The following TRIM44 variants were observed in gnomAD, a reference collection of about 807,000 sequenced individuals.
The protein encoded by TRIM44 is tripartite motif-containing protein 44.
TRIM44 carries 13 observed loss-of-function variants against 37.4 expected under a neutral mutation model. That is an observed-to-expected ratio of 0.35 (90% CI 0.23 to 0.55). The LOEUF is 0.55. TRIM44 is among the 20% of genes least tolerant of loss of function. TRIM44 has a pLI of 0.89. For synonymous variants in TRIM44, 175 were observed against 157.2 expected (o/e 1.11, Z -0.85); for missense variants, 426 against 437.2 (o/e 0.97, Z 0.23).
intron 4 of TRIM44, among the ~76,000 whole-genome samples, chr11:35,803,014 A>G (rs1461501386): frequency 2.0e-5 from 3 of 152,190 alleles, no homozygotes; most frequent in Non-Finnish European, 4.4e-5. Flanking sequence ...TTGAGGAAGA[A>G]GGGTAACATT....
chr11:35,675,195 G>A (rs1851446844), intron 1 of TRIM44, among the ~76,000 whole-genome samples: 2 of 152,230 alleles, frequency 1.3e-5, no homozygotes, highest in South Asian at 4.1e-4. Flanking sequence ...GTGATAGGAA[G>A]TGTAATAATC....
At chr11:35,673,477 T>C (rs964043915) in intron 1 of TRIM44, among the ~76,000 whole-genome samples, 3 of 152,202 alleles carry the variant, frequency 2.0e-5, no homozygotes, top group Non-Finnish European at 2.9e-5. Flanking sequence ...TTAGCATAGA[T>C]GAAAATACTG....
At chr11:35,795,449 GGTT>G (rs1191720605) in intron 4 of TRIM44, among the ~76,000 whole-genome samples, 1 of 152,020 alleles carries the variant, frequency 6.6e-6, no homozygotes, top group Admixed American at 6.6e-5. Context: ...ACATGGGAGA[GGTT>G]GTGCAGGGTG....
intron 4 of TRIM44, among the ~76,000 whole-genome samples, chr11:35,779,786 G>A (rs546444500): frequency 6.6e-6 from 1 of 151,696 alleles, no homozygotes; most frequent in African/African-American, 2.4e-5. Context: ...ATGGTAAAAG[G>A]TAGGTATCCA....
At chr11:35,697,446 C>CT (rs1339763031) in intron 2 of TRIM44, among the ~76,000 whole-genome samples, 493 of 126,874 alleles carry the variant, frequency 3.9e-3, no homozygotes, top group African/African-American at 9.6e-3. Context: ...GCCACGTTTT[C>CT]TTTTTTTTTT....
intron 4 of TRIM44, among the ~76,000 whole-genome samples, chr11:35,786,332 C>T (rs1032978722): frequency 6.6e-6 from 1 of 152,204 alleles, no homozygotes; most frequent in Non-Finnish European, 1.5e-5. Flanking sequence ...AGTTCCCAGT[C>T]CTTTCCTTTT....
chr11:35,753,757 G>T (rs189870508), intron 4 of TRIM44, among the ~76,000 whole-genome samples: 2 of 150,970 alleles, frequency 1.3e-5, no homozygotes, highest in African/African-American at 4.9e-5. Context: ...ACAGAGTCTC[G>T]CTCTGTCACT....
chr11:35,813,499 G>A lies in TRIM44; in HGVS notation c.*7114G>A, dbSNP rs1419049237. 6.6e-6 allele frequency: 1 copy of A among 152,136 alleles called. No individual in the cohort carries two copies. Among genetic ancestry groups the A allele is most frequent in the Admixed American group, 6.5e-5 (1 of 15,276 alleles). The allele number at this position is 152,136 out of a possible 1,614,324, so 9.4% of individuals were successfully genotyped here. ...CACATATTTCTAACTGTAAAGGAAA[G>A]AAACAGACTTTTAGAGGAAACAAGA... On this transcript the variant is annotated 3_prime_UTR_variant, in exon 5 of 5. Transcript: ENST00000299413.
intron 4 of TRIM44, among the ~76,000 whole-genome samples, chr11:35,775,490 G>C (rs909843697): frequency 6.6e-6 from 1 of 152,198 alleles, no homozygotes; most frequent in Non-Finnish European, 1.5e-5. Flanking sequence ...GCCCTGGCCA[G>C]AACTTCCAGC....
At chr11:35,800,471 T>C (rs2089957) in intron 4 of TRIM44, among the ~76,000 whole-genome samples, 30,002 of 152,002 alleles carry the variant, frequency 0.2, 3,171 homozygotes, top group Admixed American at 0.31. Flanking sequence ...TTTTACAGAG[T>C]GCTGATTGGT....
chr11:35,670,174 C>A (rs552073919), intron 1 of TRIM44, among the ~76,000 whole-genome samples: 42 of 152,356 alleles, frequency 2.8e-4, no homozygotes, highest in Admixed American at 7.8e-4. Flanking sequence ...TTTCTGTTAT[C>A]CCATGCTTCC....
At chr11:35,735,386 C>T in intron 3 of TRIM44, 40 bp from the exon 4 acceptor site, 4 of 1,610,026 alleles carry the variant, frequency 2.5e-6, no homozygotes, top group Non-Finnish European at 3.4e-6. Context: ...TCTGTACCAA[C>T]AGTGATTTCT....
Position 35,809,896 on chromosome 11 carries a change from C to G in TRIM44, c.*3511C>G, listed in dbSNP as rs1360922097. The G allele has an allele frequency of 6.6e-6, 1 of 152,026 alleles. No homozygotes were observed. The highest frequency in any genetic ancestry group is 2.4e-5 in the African/African-American group (1 of 41,378). 9.4% of individuals were successfully genotyped at this position (152,026 alleles called of 1,614,324 possible). On this transcript the variant is annotated 3_prime_UTR_variant, in exon 5 of 5. Transcript: ENST00000299413. ...ACATACATGTCCGCACACACACACA[C>G]AATATTTGAGAGCTAAGGAAAACTC... is the stretch of plus-strand genomic sequence containing the variant.
chr11:35,796,376 T>C (rs1030568757), intron 4 of TRIM44, among the ~76,000 whole-genome samples: 6 of 152,258 alleles, frequency 3.9e-5, no homozygotes, highest in African/African-American at 1.4e-4. Context: ...TTTTTCTCTT[T>C]GGTAACTTGT....
At chr11:35,708,804 T>G (rs1851925415) in intron 2 of TRIM44, among the ~76,000 whole-genome samples, 1 of 151,978 alleles carries the variant, frequency 6.6e-6, no homozygotes, top group African/African-American at 2.4e-5. Context: ...GGGATATACC[T>G]AATGCTAAAT....
intron 2 of TRIM44, among the ~76,000 whole-genome samples, chr11:35,704,975 TAA>T (rs1755487600): frequency 2.7e-5 from 4 of 147,886 alleles, no homozygotes; most frequent in African/African-American, 7.6e-5. Flanking sequence ...GCAAATTGGA[TAA>T]AGAGTCAAGA....
chr11:35,688,406 A>T (rs1010401508), intron 2 of TRIM44, among the ~76,000 whole-genome samples: 1 of 152,200 alleles, frequency 6.6e-6, no homozygotes, highest in Admixed American at 6.5e-5. Flanking sequence ...AAAATAATAC[A>T]TACTTATAGA....
At chr11:35,790,200 A>G (rs560764249) in intron 4 of TRIM44, among the ~76,000 whole-genome samples, 5 of 152,282 alleles carry the variant, frequency 3.3e-5, no homozygotes, top group African/African-American at 1.2e-4. Flanking sequence ...TCTGCACTCA[A>G]GTGGTTTATG....
At chr11:35,699,741 C>T (rs888125958) in intron 2 of TRIM44, among the ~76,000 whole-genome samples, 1 of 151,724 alleles carries the variant, frequency 6.6e-6, no homozygotes, top group Admixed American at 6.6e-5. Context: ...AGCCCATAGG[C>T]AACTTCAGCA....
Sources: allele counts gnomAD v4.1 joint callset (sites outside exome capture counted in the v4.1 genomes callset), GRCh38; gene constraint gnomAD v4.1.1; transcripts MANE v1.5; gene names NCBI Gene and HGNC (gene_info 2026-07-23, HGNC 2026-07-21).